FAM193A: variants seen among roughly 807,000 people sequenced by gnomAD.
The protein encoded by FAM193A is family with sequence similarity 193 member A, also known as protein FAM193A.
FAM193A carries 22 observed loss-of-function variants against 126.5 expected under a neutral mutation model. That is an observed-to-expected ratio of 0.17 (90% CI 0.12 to 0.25). The LOEUF is 0.25. Ranked by LOEUF, FAM193A falls within the 10% of genes least tolerant of loss-of-function variation. The probability of loss-of-function intolerance (pLI) is 1.00; values close to 1 mark genes in which losing one functional copy is unlikely to be tolerated. For missense variants in FAM193A, 1,675 were observed against 1,672.8 expected (o/e 1.00, Z -0.02); for synonymous variants, 761 against 646.8 (o/e 1.18, Z -2.68).
At chr4:2,725,061 T>C (rs1480713521) in intron 20 of FAM193A, among the ~76,000 whole-genome samples, 1 of 152,022 alleles carries the variant, frequency 6.6e-6, no homozygotes, top group Non-Finnish European at 1.5e-5. Context: ...GTGTTTTTAG[T>C]AGAGACAGAG....
At chr4:2,714,356 ACT>A (rs1411128202) in intron 19 of FAM193A, among the ~76,000 whole-genome samples, 2 of 151,548 alleles carry the variant, frequency 1.3e-5, no homozygotes, top group Non-Finnish European at 2.9e-5. Context: ...GGCTGTCCTC[ACT>A]CTCCAGTCAC....
chr4:2,542,568 A>AT (rs1466734919), intron 1 of FAM193A, among the ~76,000 whole-genome samples: 1 of 152,214 alleles, frequency 6.6e-6, no homozygotes, highest in Non-Finnish European at 1.5e-5. Context: ...GATCACAGAA[A>AT]GTCTTAATGT....
intron 2 of FAM193A, among the ~76,000 whole-genome samples, chr4:2,610,617 T>G (rs1343966323): frequency 1.3e-5 from 2 of 152,246 alleles, no homozygotes; most frequent in Non-Finnish European, 2.9e-5. Context: ...TTCCTTTTAT[T>G]TCTGGGTAAT....
chr4:2,622,939 G>A (rs1247829170), intron 2 of FAM193A, among the ~76,000 whole-genome samples: 2 of 152,088 alleles, frequency 1.3e-5, no homozygotes, highest in Admixed American at 6.6e-5. Flanking sequence ...CAGACCTTTG[G>A]GCACTTCTGA....
At chr4:2,645,776 C>T (rs946295034) in intron 6 of FAM193A, among the ~76,000 whole-genome samples, 4 of 152,184 alleles carry the variant, frequency 2.6e-5, no homozygotes, top group African/African-American at 9.7e-5. Flanking sequence ...ATCCCCTCGC[C>T]TAGGCCTCCC....
intron 2 of FAM193A, among the ~76,000 whole-genome samples, chr4:2,613,418 A>G (rs1389805677): frequency 1.4e-5 from 2 of 141,214 alleles, no homozygotes; most frequent in Non-Finnish European, 3.1e-5. Flanking sequence ...TGTGTACTGT[A>G]AAAACTCATT....
intron 19 of FAM193A, among the ~76,000 whole-genome samples, chr4:2,714,568 C>T (rs912390803): frequency 2.6e-5 from 4 of 152,108 alleles, no homozygotes; most frequent in African/African-American, 9.7e-5. Context: ...CTCAGGGATA[C>T]AGTTGGGATC....
chr4:2,726,597 C>T (rs149655529), intron 20 of FAM193A, among the ~76,000 whole-genome samples: 1 of 151,814 alleles, frequency 6.6e-6, no homozygotes, highest in Non-Finnish European at 1.5e-5. Flanking sequence ...AAAATTGCTG[C>T]TTCCTACTGT....
intron 2 of FAM193A, among the ~76,000 whole-genome samples, chr4:2,620,283 C>G (rs1742462599): frequency 6.6e-6 from 1 of 152,080 alleles, no homozygotes; most frequent in Non-Finnish European, 1.5e-5. Context: ...TTCCCAAGTT[C>G]TTGATTGCTT....
chr4:2,630,925 C>T lies in FAM193A; in HGVS notation c.804-10C>T. 1 of 1,514,660 alleles carries T rather than the reference C, an allele frequency of 6.6e-7. No individual in the cohort carries two copies. Among genetic ancestry groups the T allele is most frequent in the South Asian group, 1.1e-5 (1 of 88,440 alleles). 93.8% of individuals were successfully genotyped at this position (1,514,660 alleles called of 1,614,324 possible). ...GTGGGCAGGCCCTGGTGACCCTCTTCTCTGTGCAGGCTCTGCGAGAGGGAC... is the reference window on the plus strand; with the variant it reads ...GTGGGCAGGCCCTGGTGACCCTCTTTTCTGTGCAGGCTCTGCGAGAGGGAC... On this transcript the variant is annotated splice_polypyrimidine_tract_variant and intron_variant, in intron 4 of 20. Transcript: ENST00000637812.
At chr4:2,565,228 C>G (rs184500696) in intron 1 of FAM193A, among the ~76,000 whole-genome samples, 1 of 137,316 alleles carries the variant, frequency 7.3e-6, no homozygotes, top group African/African-American at 2.7e-5. Context: ...TGTGGGAAAA[C>G]TGGATATACA....
At chr4:2,615,119 T>A (rs964982289) in intron 2 of FAM193A, 1 of 152,222 alleles carries the variant, frequency 6.6e-6, no homozygotes, top group African/African-American at 2.4e-5. Flanking sequence ...ATTTATTTAT[T>A]TTTTTTAAGA....
intron 1 of FAM193A, among the ~76,000 whole-genome samples, chr4:2,573,470 G>A (rs1209915089): frequency 2.7e-5 from 4 of 150,072 alleles, no homozygotes; most frequent in Admixed American, 2.0e-4. Context: ...CTGAGATCGT[G>A]CCACTGCATT....
chr4:2,716,275 C>G (rs947811405), intron 20 of FAM193A, among the ~76,000 whole-genome samples, 171 bp downstream of exon 20: 3 of 152,190 alleles, frequency 2.0e-5, no homozygotes, highest in African/African-American at 7.2e-5. Context: ...CCACACACAC[C>G]CCTCCCATAC....
rs1171304805 is a variant in FAM193A at position 2,663,155 on chromosome 4, A to T, written c.1946A>T (p.Asp649Val). 1.2e-6 allele frequency: 2 copies of T among 1,614,198 alleles called. No individual in the cohort carries two copies. Among genetic ancestry groups the T allele is most frequent in the African/African-American group, 1.3e-5 (1 of 75,058 alleles). ...STSSSSSEAD[D>V]EEADGESSGE... ...AGCAGTAGTTCCTCAGAAGCTGATG[A>T]TGAAGAAGCGGACGGCGAGAGTAGT... The change falls in exon 12 of 21, where the codon GAT becomes GTT. Residue 649 changes from aspartate to valine, a missense_variant. Physicochemically the swap from Asp to Val is radical, Grantham distance 152 (BLOSUM62 -3). Coordinates refer to ENST00000637812, the MANE Select transcript of FAM193A (RefSeq NM_001366318.2).
intron 20 of FAM193A, among the ~76,000 whole-genome samples, chr4:2,725,520 C>G (rs1462379425): frequency 6.7e-6 from 1 of 150,070 alleles, no homozygotes; most frequent in African/African-American, 2.5e-5. Flanking sequence ...GCGGGTACAT[C>G]CTACCCCTTC....
chr4:2,545,312 A>G (rs769432359), intron 1 of FAM193A, among the ~76,000 whole-genome samples: 8 of 152,180 alleles, frequency 5.3e-5, no homozygotes, highest in African/African-American at 1.9e-4. Context: ...AATTTCATAG[A>G]ACAAGAATTT....
At chr4:2,647,400 C>T (rs572409922) in intron 7 of FAM193A, among the ~76,000 whole-genome samples, 8 of 152,244 alleles carry the variant, frequency 5.3e-5, no homozygotes, top group African/African-American at 1.7e-4. Flanking sequence ...CCTGCCTCAG[C>T]CTCCCAAAGT....
At chr4:2,692,582 A>G (rs1560574723) in intron 15 of FAM193A, among the ~76,000 whole-genome samples, 1 of 152,218 alleles carries the variant, frequency 6.6e-6, no homozygotes, top group Non-Finnish European at 1.5e-5. Context: ...ATCCAACGTA[A>G]TATTTGCAGG....
Sources: gnomAD v4.1 joint callset for allele counts (sites outside exome capture counted in the v4.1 genomes callset) on GRCh38, gnomAD v4.1.1 for gene constraint, MANE v1.5 for transcripts, NCBI Gene and HGNC (gene_info 2026-07-23, HGNC 2026-07-21) for gene names.